Variants in SLC8A1 observed in about 807,000 individuals in gnomAD.
SLC8A1 encodes the protein solute carrier family 8 member A1.
A neutral mutation model predicts 68.3 loss-of-function variants in SLC8A1; 18 were observed. The observed-to-expected ratio is 0.26, with a 90% CI of 0.18 to 0.39. The LOEUF (loss-of-function observed/expected upper bound fraction) is 0.39. Among genes scored for constraint, SLC8A1 ranks in the 10% least tolerant of loss-of-function variants. The pLI is 1.00. For synonymous variants in SLC8A1, 475 were observed against 415.5 expected (o/e 1.14, Z -1.74); for missense variants, 985 against 1,156.7 (o/e 0.85, Z 2.15).
At chr2:40,361,002 A>C (rs1187601307) in intron 2 of SLC8A1, among the ~76,000 whole-genome samples, 1 of 149,308 alleles carries the variant, frequency 6.7e-6, no homozygotes, top group Middle Eastern at 3.2e-3. Context: ...TGAAAAGAGC[A>C]AACTTACCCT....
At chr2:40,268,519 G>C (rs1194732338) in intron 2 of SLC8A1, among the ~76,000 whole-genome samples, 1 of 152,070 alleles carries the variant, frequency 6.6e-6, no homozygotes, top group East Asian at 1.9e-4. Flanking sequence ...GGAATGCCTT[G>C]GTACCCCCCA....
At chr2:40,462,145 T>A (rs1250477510) in intron 1 of SLC8A1, among the ~76,000 whole-genome samples, 2 of 151,654 alleles carry the variant, frequency 1.3e-5, no homozygotes, top group East Asian at 3.9e-4. Context: ...AAGCTGGGAT[T>A]ACAGGCATGC....
intron 1 of SLC8A1, among the ~76,000 whole-genome samples, chr2:40,450,952 C>A (rs1457611241): frequency 6.6e-6 from 1 of 151,440 alleles, no homozygotes; most frequent in Non-Finnish European, 1.5e-5. Context: ...CAAACAGCAA[C>A]AGAATCCACG....
At chr2:40,504,927 A>G (rs1706273086) in intron 1 of SLC8A1, among the ~76,000 whole-genome samples, 1 of 151,938 alleles carries the variant, frequency 6.6e-6, no homozygotes, top group Non-Finnish European at 1.5e-5. Flanking sequence ...GAATTGAGCT[A>G]CATTTAATCC....
chr2:40,318,471 T>G (rs2149331335), intron 2 of SLC8A1, among the ~76,000 whole-genome samples: 1 of 149,550 alleles, frequency 6.7e-6, no homozygotes. Context: ...ATTTTGGTAT[T>G]ATTTTTATAT....
chr2:40,502,809 G>T (rs557770175), intron 1 of SLC8A1, among the ~76,000 whole-genome samples: 1 of 152,110 alleles, frequency 6.6e-6, no homozygotes, highest in South Asian at 2.1e-4. Flanking sequence ...TTCCTGGTTA[G>T]AACCCTTACC....
chr2:40,244,014 G>A (rs534471416), intron 2 of SLC8A1, among the ~76,000 whole-genome samples: 2 of 150,946 alleles, frequency 1.3e-5, no homozygotes, highest in Admixed American at 6.7e-5. Flanking sequence ...TCTAGGGTCT[G>A]GGGGACAACG....
intron 2 of SLC8A1, among the ~76,000 whole-genome samples, chr2:40,238,592 AC>A (rs1413641645): frequency 6.6e-6 from 1 of 152,132 alleles, no homozygotes; most frequent in Non-Finnish European, 1.5e-5. Flanking sequence ...GGAGCTGTAG[AC>A]CGGAGCTGTT....
At chr2:40,317,828 T>G (rs1471812711) in intron 2 of SLC8A1, among the ~76,000 whole-genome samples, 1 of 152,108 alleles carries the variant, frequency 6.6e-6, no homozygotes, top group African/African-American at 2.4e-5. Context: ...ATGTCCCCAA[T>G]TTTTGAAATT....
intron 2 of SLC8A1, among the ~76,000 whole-genome samples, chr2:40,239,364 T>G (rs1011948894): frequency 1.3e-5 from 2 of 152,206 alleles, no homozygotes; most frequent in African/African-American, 4.8e-5. Context: ...TTTTCCTAGT[T>G]TCTGTCATCT....
At chr2:40,475,425 G>C (rs1028615874) in intron 1 of SLC8A1, among the ~76,000 whole-genome samples, 1 of 152,018 alleles carries the variant, frequency 6.6e-6, no homozygotes, top group African/African-American at 2.4e-5. Flanking sequence ...GAGCCACCGT[G>C]CCCGGCCTAT....
chr2:40,466,987 A>AT (rs1703713187), intron 1 of SLC8A1, among the ~76,000 whole-genome samples: 1 of 150,578 alleles, frequency 6.6e-6, no homozygotes, highest in Admixed American at 6.7e-5. Context: ...AAAAAAAAAA[A>AT]TGTGCAGAGA....
At chr2:40,485,555 C>T (rs1254155475) in intron 1 of SLC8A1, among the ~76,000 whole-genome samples, 1 of 152,196 alleles carries the variant, frequency 6.6e-6, no homozygotes, top group Non-Finnish European at 1.5e-5. Context: ...TTCTTCCTCA[C>T]TCTGGTTATT....
At chr2:40,283,787 T>C (rs542130139) in intron 2 of SLC8A1, among the ~76,000 whole-genome samples, 1 of 152,202 alleles carries the variant, frequency 6.6e-6, no homozygotes, top group Non-Finnish European at 1.5e-5. Flanking sequence ...TTCCTAACAA[T>C]AGACGCCGAA....
intron 1 of SLC8A1, among the ~76,000 whole-genome samples, chr2:40,461,816 C>G (rs1703354060): frequency 1.3e-5 from 2 of 151,936 alleles, no homozygotes. Context: ...TTTGATTTTT[C>G]ATGTGTATTT....
chr2:40,175,562 A>G (rs946413124), intron 3 of SLC8A1, among the ~76,000 whole-genome samples: 1 of 152,050 alleles, frequency 6.6e-6, no homozygotes, highest in African/African-American at 2.4e-5. Flanking sequence ...TTTACATTTA[A>G]TAAGACATTG....
intron 1 of SLC8A1, among the ~76,000 whole-genome samples, chr2:40,437,549 T>G (rs952363365): frequency 6.6e-6 from 1 of 152,078 alleles, no homozygotes; most frequent in African/African-American, 2.4e-5. Context: ...TCCCTAGCAG[T>G]AAGCAAGCAA....
chr2:40,492,379 A>G (rs1335018583), intron 1 of SLC8A1, among the ~76,000 whole-genome samples: 2 of 152,144 alleles, frequency 1.3e-5, no homozygotes, highest in Non-Finnish European at 2.9e-5. Context: ...TAGACCTAAA[A>G]CCATAAAAAC....
At chr2:40,170,722 TGTC>T (rs2047326897) in intron 4 of SLC8A1, among the ~76,000 whole-genome samples, 1 of 151,602 alleles carries the variant, frequency 6.6e-6, no homozygotes, top group South Asian at 2.1e-4. Context: ...TAGTGGCAGG[TGTC>T]GTGGTTGGCA....
Sources: gnomAD v4.1 joint callset for allele counts (sites outside exome capture counted in the v4.1 genomes callset) on GRCh38, gnomAD v4.1.1 for gene constraint, MANE v1.5 for transcripts, NCBI Gene and HGNC (gene_info 2026-07-23, HGNC 2026-07-21) for gene names.